Variants in USF2 observed in about 807,000 individuals in gnomAD.
USF2 encodes the protein upstream stimulatory factor 2.
Under a neutral mutation model 46.9 loss-of-function variants are expected in USF2, and 16 were observed. That is an observed-to-expected ratio of 0.34 (90% CI 0.23 to 0.52). USF2 has a LOEUF of 0.52. USF2 is among the 20% of genes least tolerant of loss of function. The pLI, the probability that USF2 is intolerant of heterozygous loss-of-function variation, is 0.96. For synonymous variants in USF2, 239 were observed against 194.1 expected, an observed-to-expected ratio of 1.23 and a Z score of -1.92; for missense variants, 411 against 474.0, an observed-to-expected ratio of 0.87 and a Z score of 1.23.
chr19:35,279,094 C>T lies in USF2; in HGVS notation c.951+20C>T, dbSNP rs1278426211. 9.9e-6 allele frequency: 16 copies of T among 1,612,250 alleles called. No individual in the cohort carries two copies. Among genetic ancestry groups the T allele is most frequent in the East Asian group, 4.5e-5 (2 of 44,860 alleles). ...CAGCAGGTGGGTGCGGGGCCTGGAG[C>T]GGGTCAGGGCCCAGGAGCCCCAGAT... On this transcript the variant is annotated intron_variant, in intron 9 of 9. Coordinates refer to ENST00000222305, the MANE Select transcript of USF2 (RefSeq NM_003367.4).
At chr19:35,275,771 G>A (rs1203997889) in intron 7 of USF2, 6 of 152,264 alleles carry the variant, frequency 3.9e-5, no homozygotes, top group African/African-American at 1.4e-4. Context: ...AACATACTCT[G>A]TATGATTTCA....
chr19:35,279,308 C>T lies in USF2; in HGVS notation c.*52C>T. 1 of 1,448,340 alleles carries T rather than the reference C, an allele frequency of 6.9e-7. No individual in the cohort carries two copies. 89.7% of individuals were successfully genotyped at this position (1,448,340 alleles called of 1,614,324 possible). On this transcript the variant is annotated 3_prime_UTR_variant, in exon 10 of 10. Coordinates refer to ENST00000222305, the MANE Select transcript of USF2 (RefSeq NM_003367.4). The stretch of plus-strand genomic sequence containing the variant: ...CCGCCCACGCCGGCCTCTGCTGCCC[C>T]CTTCCCCAGCCCTTAGCACAGAGAG...
At chr19:35,278,423 G>T in intron 7 of USF2, 1 of 430,738 alleles carries the variant, frequency 2.3e-6, no homozygotes, top group South Asian at 3.6e-5. Context: ...AGTATGGTGG[G>T]GCAGGCCTGC....
At chr19:35,276,602 T>TG (rs2066236986) in intron 7 of USF2, among the ~76,000 whole-genome samples, 1 of 152,086 alleles carries the variant, frequency 6.6e-6, no homozygotes, top group Non-Finnish European at 1.5e-5. Context: ...CAACCGATCT[T>TG]TACAACCTTT....
intron 7 of USF2, chr19:35,275,991 T>A (rs902689268): frequency 6.6e-6 from 1 of 152,160 alleles, no homozygotes; most frequent in Non-Finnish European, 1.5e-5. Flanking sequence ...ATGAGAAAGA[T>A]GTCCATGTCT....
rs1309159409 is a variant in USF2 at position 35,279,155 on chromosome 19, C to T, written c.952-12C>T. 5.6e-6 allele frequency: 9 copies of T among 1,610,818 alleles called. No homozygotes were observed. Among genetic ancestry groups the T allele is most frequent in the Non-Finnish European group, 7.6e-6 (9 of 1,178,738 alleles). On this transcript the variant is annotated splice_polypyrimidine_tract_variant and intron_variant, in intron 9 of 9. Transcript: ENST00000222305. ...GGCCCTCAGCTCCCTTGACCTCCGT[C>T]GTGTCCGCCAGATCGAGGAGCTGAA... is the stretch of plus-strand genomic sequence containing the variant.
Position 35,269,577 on chromosome 19 carries a change from C to A in USF2, c.110-4C>A. ...GACCGTGCCCCGACCCTCCTCGGCCCCAGGCGGGGACGGCCCAGGAGCGGA... is the reference window on the plus strand; with the variant it reads ...GACCGTGCCCCGACCCTCCTCGGCCACAGGCGGGGACGGCCCAGGAGCGGA... On this transcript the variant is annotated splice_polypyrimidine_tract_variant and splice_region_variant and intron_variant, in intron 2 of 9. Coordinates refer to ENST00000222305, the MANE Select transcript of USF2 (RefSeq NM_003367.4). 1 of 1,582,012 alleles carries A rather than the reference C, an allele frequency of 6.3e-7. No homozygotes were observed. Among genetic ancestry groups the A allele is most frequent in the Non-Finnish European group, 8.6e-7 (1 of 1,165,996 alleles).
intron 4 of USF2, 138 bp downstream of exon 4, chr19:35,270,141 G>C: frequency 9.3e-7 from 1 of 1,080,384 alleles, no homozygotes; most frequent in Non-Finnish European, 1.2e-6. Flanking sequence ...CATGGGGCCA[G>C]ATCCCTGTTG....
At chr19:35,277,457 G>C (rs1447179718) in intron 7 of USF2, 1 of 155,008 alleles carries the variant, frequency 6.5e-6, no homozygotes, top group East Asian at 1.7e-4. Flanking sequence ...AGAGAAGCCA[G>C]AGGGGTTTGC....
At chr19:35,271,209 G>A (rs1445105444) in intron 7 of USF2, 68 bp downstream of exon 7, 21 of 1,592,020 alleles carry the variant, frequency 1.3e-5, no homozygotes, top group Non-Finnish European at 1.6e-5. Flanking sequence ...GCCCTGGAGT[G>A]TGGAGTGACA....
chr19:35,270,670 G>A (rs770095405), intron 5 of USF2, 48 bp from the exon 6 acceptor site: 6 of 1,612,974 alleles, frequency 3.7e-6, no homozygotes, highest in South Asian at 3.3e-5. Flanking sequence ...CCCCCAGCCA[G>A]TTCTGACTTC....
Position 35,278,932 on chromosome 19 carries a change from C to T in USF2, c.823-14C>T, listed in dbSNP as rs2066272120. On this transcript the variant is annotated splice_polypyrimidine_tract_variant and intron_variant, in intron 8 of 9. Transcript: ENST00000222305. ...GGTGCCTGCCCTAAGGCTCCTGGTC[C>T]CCTCGCCCCCCAGAGTAAAGGAGGG... 6.4e-7 allele frequency: 1 copy of T among 1,557,072 alleles called. No individual in the cohort carries two copies. The highest frequency in any genetic ancestry group is 8.7e-7 in the Non-Finnish European group (1 of 1,151,312).
intron 7 of USF2, among the ~76,000 whole-genome samples, chr19:35,274,217 A>G (rs1377197371): frequency 6.6e-6 from 1 of 152,202 alleles, no homozygotes; most frequent in African/African-American, 2.4e-5. Context: ...CCCGTCTCCA[A>G]AGGCTTTCAT....
intron 5 of USF2, 49 bp from the exon 6 acceptor site, chr19:35,270,669 A>G (rs2066139646): frequency 6.2e-7 from 1 of 1,611,908 alleles, no homozygotes; most frequent in African/African-American, 1.3e-5. Flanking sequence ...CCCCCCAGCC[A>G]GTTCTGACTT....
At chr19:35,273,775 T>A (rs1308494271) in intron 7 of USF2, among the ~76,000 whole-genome samples, 3 of 152,188 alleles carry the variant, frequency 2.0e-5, no homozygotes, top group Non-Finnish European at 4.4e-5. Flanking sequence ...AGGCTCGTCT[T>A]GAACTTCTGG....
chr19:35,277,677 C>G (rs1366856337), intron 7 of USF2: 1 of 152,356 alleles, frequency 6.6e-6, no homozygotes, highest in African/African-American at 2.4e-5. Flanking sequence ...TCGTTCCCCT[C>G]CACAAATGGT....
chr19:35,269,510 C>A lies in USF2; in HGVS notation c.109+18C>A. On this transcript the variant is annotated intron_variant, in intron 2 of 9. Coordinates refer to ENST00000222305, the MANE Select transcript of USF2 (RefSeq NM_003367.4). ...GCAGGAAGGTGAGTGCTTGCCGGGC[C>A]GGCCGCGCCCGGGGAGGGCTGGGGG... 6.5e-7 allele frequency: 1 copy of A among 1,539,772 alleles called. No individual in the cohort carries two copies. Among genetic ancestry groups the A allele is most frequent in the South Asian group, 1.2e-5 (1 of 82,862 alleles).
In USF2 at chr19:35,279,002, C is replaced by T; in HGVS notation, c.879C>T (p.Thr293=). 6.4e-7 allele frequency: 1 copy of T among 1,569,352 alleles called. No homozygotes were observed. Among genetic ancestry groups the T allele is most frequent in the Non-Finnish European group, 8.6e-7 (1 of 1,156,590 alleles). ...ATTACATCCGGGAGTTGCGCCAGACCAACCAGCGCATGCAGGAGACCTTCA... is the reference window on the plus strand; with the variant it reads ...ATTACATCCGGGAGTTGCGCCAGACTAACCAGCGCATGCAGGAGACCTTCA... ...ACDYIRELRQ[T]NQRMQETFKE... is the part of the protein sequence containing the mutation. The change falls in exon 9 of 10, where the codon ACC becomes ACT. Residue 293 remains threonine (T), a synonymous_variant. Transcript: ENST00000222305.
chr19:35,272,801 C>T (rs1395497050), intron 7 of USF2, among the ~76,000 whole-genome samples: 1 of 151,990 alleles, frequency 6.6e-6, no homozygotes, highest in African/African-American at 2.4e-5. Context: ...TCGTGCTGAA[C>T]TCCCCTCCAT....
Sources: allele counts gnomAD v4.1 joint callset (sites outside exome capture counted in the v4.1 genomes callset), GRCh38; gene constraint gnomAD v4.1.1; transcripts MANE v1.5; gene names NCBI Gene and HGNC (gene_info 2026-07-23, HGNC 2026-07-21).